Variants in WDFY2 observed in about 807,000 individuals in gnomAD.
WDFY2 encodes WD repeat and FYVE domain containing 2, also known as WD repeat and FYVE domain-containing protein 2.
In WDFY2, 36 loss-of-function variants were observed where a neutral mutation model predicts 56.4. That is an observed-to-expected ratio of 0.64 (90% CI 0.49 to 0.84). The LOEUF (loss-of-function observed/expected upper bound fraction) is 0.84, where lower values mean the gene tolerates loss of function less well. WDFY2 is among the 40% of genes least tolerant of loss of function. The pLI is 0.00. For missense variants in WDFY2, 444 were observed against 512.2 expected (o/e 0.87, Z 1.29); for synonymous variants, 176 against 183.7 (o/e 0.96, Z 0.34).
chr13:51,703,712 C>T, intron 4 of WDFY2, 62 bp downstream of exon 4: 1 of 1,366,290 alleles, frequency 7.3e-7, no homozygotes, highest in East Asian at 2.3e-5. Flanking sequence ...GTGGTTTTCA[C>T]TGCCACAAGA....
intron 7 of WDFY2, among the ~76,000 whole-genome samples, chr13:51,740,891 G>A (rs1055645571): frequency 8.5e-5 from 13 of 152,126 alleles, no homozygotes; most frequent in South Asian, 2.1e-4. Flanking sequence ...TTATTTGTAC[G>A]CAGTGGTTAA....
At chr13:51,599,097 T>C (rs1593858254) in intron 1 of WDFY2, 3 of 152,356 alleles carry the variant, frequency 2.0e-5, no homozygotes, top group Non-Finnish European at 4.4e-5. Context: ...TTAGTAGAGG[T>C]GGGGTTTCAC....
intron 4 of WDFY2, among the ~76,000 whole-genome samples, chr13:51,714,653 T>G (rs1183794453): frequency 1.3e-5 from 2 of 152,184 alleles, no homozygotes; most frequent in Admixed American, 1.3e-4. Flanking sequence ...AAAAACAGTT[T>G]GGTAGTTCCT....
chr13:51,721,674 G>A (rs1047078767), intron 5 of WDFY2, among the ~76,000 whole-genome samples: 10 of 152,150 alleles, frequency 6.6e-5, no homozygotes, highest in African/African-American at 2.2e-4. Context: ...AGGTGGTAGA[G>A]AGCTGCAGTA....
At chr13:51,638,032 TGGAG>T (rs1955085548) in intron 1 of WDFY2, among the ~76,000 whole-genome samples, 1 of 152,236 alleles carries the variant, frequency 6.6e-6, no homozygotes, top group Admixed American at 6.5e-5. Flanking sequence ...TCACTCCAGA[TGGAG>T]TCACTCTGGT....
chr13:51,689,317 C>T (rs1184444960), intron 3 of WDFY2, among the ~76,000 whole-genome samples: 2 of 152,132 alleles, frequency 1.3e-5, no homozygotes, highest in East Asian at 3.9e-4. Flanking sequence ...GGGGCAGCAG[C>T]CAAACAGTTC....
At chr13:51,653,171 A>G (rs1362054710) in intron 1 of WDFY2, among the ~76,000 whole-genome samples, 3 of 152,014 alleles carry the variant, frequency 2.0e-5, no homozygotes, top group Admixed American at 6.5e-5. Flanking sequence ...TCCATCACTG[A>G]TACTCTTTCT....
intron 2 of WDFY2, among the ~76,000 whole-genome samples, chr13:51,671,268 T>G (rs1357901748): frequency 6.6e-6 from 1 of 152,206 alleles, no homozygotes; most frequent in Non-Finnish European, 1.5e-5. Flanking sequence ...AGTTCTACTT[T>G]TAGTTATTTA....
intron 2 of WDFY2, among the ~76,000 whole-genome samples, chr13:51,666,167 T>C (rs1304242140): frequency 2.0e-5 from 3 of 152,234 alleles, no homozygotes; most frequent in Non-Finnish European, 4.4e-5. Context: ...CTATTTGTGG[T>C]GAACAGCATG....
chr13:51,688,937 A>G (rs1761337592), intron 3 of WDFY2, among the ~76,000 whole-genome samples: 1 of 152,124 alleles, frequency 6.6e-6, no homozygotes, highest in African/African-American at 2.4e-5. Flanking sequence ...AATGTACAAC[A>G]CTCTTTCACT....
chr13:51,696,516 C>G lies in WDFY2; in HGVS notation c.280-7080C>G, dbSNP rs188316753. The stretch of plus-strand genomic sequence containing the variant: ...AGGAATAAAACAGGGTTGGAGAACC[C>G]CCAAACAGACTCAGTTCATTGAAAG... On this transcript the variant is annotated intron_variant, in intron 3 of 11. Transcript: ENST00000298125. Among the ~76,000 whole-genome samples the G allele has an allele frequency of 2.8e-3, 424 of 152,100 alleles. 3 individuals carry two copies. Among genetic ancestry groups the G allele is most frequent in the African/African-American group, 9.8e-3 (406 of 41,466 alleles).
intron 2 of WDFY2, among the ~76,000 whole-genome samples, chr13:51,667,007 A>G (rs532655955): frequency 4.9e-4 from 74 of 152,160 alleles, no homozygotes; most frequent in Non-Finnish European, 9.6e-4. Flanking sequence ...CATTTTTGCT[A>G]CAATTTGCTG....
intron 6 of WDFY2, among the ~76,000 whole-genome samples, chr13:51,733,314 G>T (rs1952765065): frequency 6.6e-6 from 1 of 152,214 alleles, no homozygotes; most frequent in Admixed American, 6.5e-5. Flanking sequence ...TGGGATTACA[G>T]GCGTGAGCCA....
At chr13:51,709,185 C>G (rs764124006) in intron 4 of WDFY2, among the ~76,000 whole-genome samples, 11 of 152,188 alleles carry the variant, frequency 7.2e-5, no homozygotes, top group Non-Finnish European at 1.2e-4. Flanking sequence ...GTAGAACATT[C>G]TATCCAACTA....
At chr13:51,655,931 A>G (rs1316107798) in intron 1 of WDFY2, among the ~76,000 whole-genome samples, 1 of 151,918 alleles carries the variant, frequency 6.6e-6, no homozygotes, top group Non-Finnish European at 1.5e-5. Flanking sequence ...TAGATTATCT[A>G]ATTGGCTGGC....
intron 1 of WDFY2, among the ~76,000 whole-genome samples, chr13:51,655,017 A>G (rs1312972232): frequency 6.6e-6 from 1 of 152,186 alleles, no homozygotes; most frequent in African/African-American, 2.4e-5. Context: ...ATTTGTTATT[A>G]GAAACACAGA....
At chr13:51,650,590 C>T (rs1328388283) in intron 1 of WDFY2, among the ~76,000 whole-genome samples, 1 of 152,178 alleles carries the variant, frequency 6.6e-6, no homozygotes, top group Non-Finnish European at 1.5e-5. Context: ...TACGTCCCAT[C>T]AATACCTAAT....
chr13:51,765,591 A>C lies in WDFY2; in HGVS notation c.*5822A>C, dbSNP rs1260157848. ...CCCTGAGTCTCGTTTATTATTGGAC[A>C]TGCCTAGCCCATCACCAGTGACCTG... On this transcript the variant is annotated 3_prime_UTR_variant, in exon 12 of 12. Coordinates refer to ENST00000298125, the MANE Select transcript of WDFY2 (RefSeq NM_052950.4). The C allele has an allele frequency of 6.6e-6, 1 of 152,220 alleles. No homozygotes were observed. Among genetic ancestry groups the C allele is most frequent in the African/African-American group, 2.4e-5 (1 of 41,462 alleles). The allele number at this position is 152,220 out of a possible 1,614,324, so 9.4% of individuals were successfully genotyped here.
rs1443827017 is a variant in WDFY2 at position 51,767,404 on chromosome 13, CTGA to C, written c.*7642_*7644del. ...AAAATCCCTTCCTTGTGGTCCTTGGCTGATGATGAGCCCTGGATCAGAGTGTCT... is the reference window on the plus strand; with the variant it reads ...AAAATCCCTTCCTTGTGGTCCTTGGCTGATGAGCCCTGGATCAGAGTGTCT... On this transcript the variant is annotated 3_prime_UTR_variant, in exon 12 of 12. Transcript: ENST00000298125. 1.3e-5 allele frequency: 2 copies of C among 152,184 alleles called. No individual in the cohort carries two copies. Among genetic ancestry groups the C allele is most frequent in the Non-Finnish European group, 2.9e-5 (2 of 68,046 alleles). 9.4% of individuals were successfully genotyped at this position (152,184 alleles called of 1,614,324 possible).
Sources: allele counts gnomAD v4.1 joint callset (sites outside exome capture counted in the v4.1 genomes callset), GRCh38; gene constraint gnomAD v4.1.1; transcripts MANE v1.5; gene names NCBI Gene and HGNC (gene_info 2026-07-23, HGNC 2026-07-21).